Variants in SNURF observed in about 807,000 individuals in gnomAD.
SNURF encodes the protein SNRPN upstream open reading frame.
In SNURF, 6 loss-of-function variants were observed where a neutral mutation model predicts 11.6. The observed-to-expected ratio is 0.52, with a 90% CI of 0.28 to 1.02. The LOEUF is 1.02. Among genes scored for constraint, SNURF ranks in the 50% least tolerant of loss-of-function variants. SNURF has a pLI of 0.09. For synonymous variants in SNURF, 29 were observed against 31.6 expected (o/e 0.92, Z 0.27); for missense variants, 84 against 88.4 (o/e 0.95, Z 0.20).
chr15:24,964,409 C>A (rs1342085494), intron 2 of SNURF, among the ~76,000 whole-genome samples: 1 of 152,174 alleles, frequency 6.6e-6, no homozygotes, highest in Non-Finnish European at 1.5e-5. Context: ...TCTCCTGCCT[C>A]AGTCTCCCAA....
At chr15:24,955,177 T>G in intron 1 of SNURF, 115 bp downstream of exon 1, 14 of 1,380,412 alleles carry the variant, frequency 1.0e-5, no homozygotes, top group African/African-American at 4.3e-5. Flanking sequence ...ATTTGGGCCC[T>G]AAAGTCCTTT....
At chr15:24,957,999 G>A (rs1390536872) in intron 1 of SNURF, among the ~76,000 whole-genome samples, 2 of 152,164 alleles carry the variant, frequency 1.3e-5, no homozygotes, top group Non-Finnish European at 2.9e-5. Flanking sequence ...TGATGCAGAG[G>A]AAGGAAGCTT....
At chr15:24,976,692 C>G (rs902794620) in intron 5 of SNURF, among the ~76,000 whole-genome samples, 3 of 152,192 alleles carry the variant, frequency 2.0e-5, no homozygotes, top group African/African-American at 7.2e-5. Context: ...CACAATTTGA[C>G]AAATAATGTG....
At chr15:24,956,180 T>C (rs1468253866) in intron 1 of SNURF, among the ~76,000 whole-genome samples, 2 of 152,184 alleles carry the variant, frequency 1.3e-5, no homozygotes, top group African/African-American at 4.8e-5. Context: ...TTTTGACTGA[T>C]AGGCCAGGTG....
chr15:24,967,606 C>G (rs2075829176), intron 2 of SNURF, among the ~76,000 whole-genome samples: 1 of 150,950 alleles, frequency 6.6e-6, no homozygotes, highest in Non-Finnish European at 1.5e-5. Context: ...CGTGCCACTG[C>G]ACTCCAGCCT....
chr15:24,956,207 T>G (rs1051389124), intron 1 of SNURF, among the ~76,000 whole-genome samples: 1 of 152,098 alleles, frequency 6.6e-6, no homozygotes, highest in Non-Finnish European at 1.5e-5. Context: ...GGGGGTTACT[T>G]TTTTTTCATT....
intron 1 of SNURF, among the ~76,000 whole-genome samples, chr15:24,956,354 C>CGGCG (rs66513284): frequency 1.2e-4 from 17 of 138,158 alleles, no homozygotes; most frequent in Non-Finnish European, 2.2e-4. Context: ...AGCGCTTCAG[C>CGGCG]GGGGGGGTGG....
chr15:24,967,949 G>T, exon 3 of SNURF: 1 of 1,613,996 alleles, frequency 6.2e-7, no homozygotes, highest in Non-Finnish European at 8.5e-7. Context: ...TTGTACCCGA[G>T]GCGTTCTCAG....
At chr15:24,976,508 C>G in intron 5 of SNURF, 1 of 879,450 alleles carries the variant, frequency 1.1e-6, no homozygotes, top group Non-Finnish European at 1.8e-6. Flanking sequence ...AGACACAGTT[C>G]AACATGGATT....
At chr15:24,964,551 C>G (rs1396111901) in intron 2 of SNURF, among the ~76,000 whole-genome samples, 2 of 152,150 alleles carry the variant, frequency 1.3e-5, no homozygotes, top group Admixed American at 6.6e-5. Flanking sequence ...GCCTTGGTTT[C>G]TTTCCCAAAG....
chr15:24,968,265 T>C (rs2075940295), exon 3 of SNURF: 4 of 500,538 alleles, frequency 8.0e-6, no homozygotes, highest in South Asian at 6.7e-5. Flanking sequence ...ACTTTCGTCA[T>C]GTTTCTGTAT....
intron 3 of SNURF, chr15:24,974,716 G>T (rs1397465170): frequency 1.6e-6 from 1 of 608,218 alleles, no homozygotes; most frequent in Non-Finnish European, 2.9e-6. Context: ...GGGTTCAAGA[G>T]ATTCTCGTGC....
chr15:24,973,274 A>G (rs1043834440), downstream of SNURF, among the ~76,000 whole-genome samples: 1 of 152,170 alleles, frequency 6.6e-6, no homozygotes, highest in African/African-American at 2.4e-5. Flanking sequence ...AGGATCTACC[A>G]TATTGCCTAA....
chr15:24,973,778 A>G (rs949234955), downstream of SNURF, among the ~76,000 whole-genome samples: 7 of 152,324 alleles, frequency 4.6e-5, no homozygotes, highest in African/African-American at 1.7e-4. Context: ...TATATATTCC[A>G]TAGTCATGTG....
chr15:24,957,812 T>C (rs1045503106), intron 1 of SNURF, among the ~76,000 whole-genome samples: 1 of 152,176 alleles, frequency 6.6e-6, no homozygotes, highest in African/African-American at 2.4e-5. Context: ...CATTTGGCTA[T>C]TTGCAAGCTG....
At chr15:24,976,825 A>T in intron 5 of SNURF, 1 of 1,522,056 alleles carries the variant, frequency 6.6e-7, no homozygotes, top group Non-Finnish European at 9.0e-7. Flanking sequence ...GAATAAGAAT[A>T]CTGAGAACTT....
intron 2 of SNURF, among the ~76,000 whole-genome samples, chr15:24,964,938 G>C (rs1395409513): frequency 6.6e-6 from 1 of 152,124 alleles, no homozygotes; most frequent in African/African-American, 2.4e-5. Context: ...GCATATATAT[G>C]TACAAATACT....
At chr15:24,971,658 T>G (rs1475246578), downstream of SNURF, among the ~76,000 whole-genome samples, 1 of 152,010 alleles carries the variant, frequency 6.6e-6, no homozygotes, top group Non-Finnish European at 1.5e-5. Context: ...CTTGTGGGAG[T>G]TATTTATATC....
chr15:24,960,395 C>T (rs1020275568), intron 1 of SNURF, among the ~76,000 whole-genome samples: 2 of 152,002 alleles, frequency 1.3e-5, no homozygotes, highest in African/African-American at 2.4e-5. Flanking sequence ...GCTGGTGTGC[C>T]AGTGGCATGA....
Sources: gnomAD v4.1 joint callset for allele counts (sites outside exome capture counted in the v4.1 genomes callset) on GRCh38, gnomAD v4.1.1 for gene constraint, MANE v1.5 for transcripts, NCBI Gene and HGNC (gene_info 2026-07-23, HGNC 2026-07-21) for gene names.